The following TAF15 variants were observed in gnomAD, a reference collection of about 807,000 sequenced individuals.
TAF15 encodes the protein TATA-binding protein-associated factor 2N.
Under a neutral mutation model 102.5 loss-of-function variants are expected in TAF15, and 37 were observed. The ratio of observed to expected loss-of-function variants is 0.36; its 90% CI spans 0.28 to 0.47. The LOEUF is 0.47. Ranked by LOEUF, TAF15 falls within the 20% of genes least tolerant of loss-of-function variation. The pLI is 0.99. For synonymous variants in TAF15, 273 were observed against 259.2 expected (o/e 1.05, Z -0.51); for missense variants, 652 against 760.7 (o/e 0.86, Z 1.68).
At position 35,833,917 on chromosome 17, in the gene TAF15, C is replaced by T. The variant is rs980403927; in HGVS notation, c.616C>T (p.Arg206Cys). 3 of 1,613,740 alleles carry T rather than the reference C, an allele frequency of 1.9e-6. No individual in the cohort carries two copies. The highest frequency in any genetic ancestry group is 2.5e-6 in the Non-Finnish European group (3 of 1,179,924). ...GPMTGSSGGDRGGFKNFGGHR... is the reference protein window; with the variant it reads ...GPMTGSSGGDCGGFKNFGGHR... ...ATTTTTCCTCTGCAGTGGTGGTGAC[C>T]GCGGTGGCTTCAAAAATTTTGGTGG... Residue 206 changes from arginine to cysteine, a missense_variant, in exon 8 of 16, where the codon CGC becomes TGC. By Grantham distance (180) the Arg-to-Cys change is radical. Transcript: ENST00000605844.
intron 15 of TAF15, among the ~76,000 whole-genome samples, chr17:35,846,587 A>G (rs1045843503): frequency 2.0e-5 from 3 of 152,206 alleles, no homozygotes; most frequent in Non-Finnish European, 4.4e-5. Context: ...GTGCTTGCTC[A>G]TTCCACTATG....
At chr17:35,828,471 C>T (rs886713995) in intron 7 of TAF15, among the ~76,000 whole-genome samples, 11 of 152,168 alleles carry the variant, frequency 7.2e-5, no homozygotes, top group South Asian at 2.1e-4. Context: ...TGATGGCCTG[C>T]GCCTGTAATC....
chr17:35,836,941 T>C (rs1345555480), intron 10 of TAF15, among the ~76,000 whole-genome samples: 1 of 151,912 alleles, frequency 6.6e-6, no homozygotes, highest in Non-Finnish European at 1.5e-5. Context: ...GCCCAGCTAA[T>C]TTTTGTATTT....
intron 7 of TAF15, among the ~76,000 whole-genome samples, chr17:35,827,004 T>TC (rs570210673): frequency 5.1e-4 from 78 of 152,224 alleles, no homozygotes; most frequent in African/African-American, 1.8e-3. Context: ...GATTTTTTTT[T>TC]CCCACACAGT....
chr17:35,838,776 A>G (rs2087506051), intron 11 of TAF15, among the ~76,000 whole-genome samples: 1 of 152,196 alleles, frequency 6.6e-6, no homozygotes, highest in South Asian at 2.1e-4. Context: ...GGCTACCCTG[A>G]TACAGATGTA....
At chr17:35,813,644 C>T (rs986216132) in intron 1 of TAF15, among the ~76,000 whole-genome samples, 3 of 101,682 alleles carry the variant, frequency 3.0e-5, no homozygotes, top group Non-Finnish European at 6.4e-5. Context: ...CCCCCCCCCC[C>T]GCAAAAAAAG....
At chr17:35,814,816 G>C (rs1001535799) in intron 1 of TAF15, among the ~76,000 whole-genome samples, 13 of 151,398 alleles carry the variant, frequency 8.6e-5, no homozygotes, top group Non-Finnish European at 1.9e-4. Flanking sequence ...TCGTGTCACT[G>C]CACTCCATCC....
chr17:35,813,640 C>T lies in TAF15; in HGVS notation c.7+4064C>T, dbSNP rs944594345. Among the ~76,000 whole-genome samples, 51 of 147,312 alleles carry T rather than the reference C, an allele frequency of 3.5e-4. 2 individuals carry two copies. The highest frequency in any genetic ancestry group is 1.2e-3 in the African/African-American group (49 of 40,274). On this transcript the variant is annotated intron_variant, in intron 1 of 15. Transcript: ENST00000605844. ...AACAGAGCGAGACCCTGTCCCCCCC[C>T]CCCCGCAAAAAAAGATTAAGAAACA... is the stretch of plus-strand genomic sequence containing the variant.
chr17:35,837,325 A>T (rs78672421), intron 10 of TAF15, among the ~76,000 whole-genome samples: 14,257 of 143,978 alleles, frequency 0.099, 852 homozygotes, highest in East Asian at 0.22. Context: ...CTAGTTAAAA[A>T]TTTTTTTTTT....
In TAF15 at chr17:35,820,004, A is replaced by G. The variant is rs754559084; in HGVS notation, c.48-20A>G. 4.3e-6 allele frequency: 7 copies of G among 1,611,680 alleles called. No homozygotes were observed. Among genetic ancestry groups the G allele is most frequent in the Admixed American group, 1.7e-5 (1 of 59,936 alleles). ...AAATTTCTACACATTTCTTTCAAGT[A>G]TTAAATTTTTCTTTTGCAGTTATTC... On this transcript the variant is annotated intron_variant, in intron 2 of 15. Coordinates refer to ENST00000605844, the MANE Select transcript of TAF15 (RefSeq NM_139215.3).
intron 1 of TAF15, among the ~76,000 whole-genome samples, chr17:35,813,117 CA>C (rs55754009): frequency 0.011 from 634 of 58,908 alleles, 4 homozygotes; most frequent in African/African-American, 0.024. Context: ...GACTCTGTCT[CA>C]AAAAAAAAAA....
intron 10 of TAF15, among the ~76,000 whole-genome samples, chr17:35,837,173 A>G (rs2087485307): frequency 6.6e-6 from 1 of 151,928 alleles, no homozygotes; most frequent in Admixed American, 6.6e-5. Flanking sequence ...GTCTTGAGAC[A>G]GGGTCTTGCT....
Position 35,834,740 on chromosome 17 carries a change from C to CTTTTTTTTTTTTTTTTTTTTTTTTT in TAF15, c.673+164_673+165insTTTTTTTTTTTTTTTTTTTTTTTTT, listed in dbSNP as rs533058888. ...CTGCCAGAACTGGGGAGCTTTATTT[C>CTTTTTTTTTTTTTTTTTTTTTTTTT]TTTTTTTTTTTTTTTTTTTTTTGAG... is the stretch of plus-strand genomic sequence containing the variant. On this transcript the variant is annotated intron_variant, in intron 9 of 15. Transcript: ENST00000605844. The CTTTTTTTTTTTTTTTTTTTTTTTTT allele has an allele frequency of 2.3e-4, 54 of 236,402 alleles. 3 individuals are homozygous for CTTTTTTTTTTTTTTTTTTTTTTTTT. Among genetic ancestry groups the CTTTTTTTTTTTTTTTTTTTTTTTTT allele is most frequent in the African/African-American group, 1.1e-3 (21 of 19,370 alleles). 14.6% of individuals were successfully genotyped at this position (236,402 alleles called of 1,614,324 possible). A position where few individuals can be genotyped will look rare whatever the true frequency, so the allele number is the denominator to read the frequency against.
chr17:35,831,323 C>T (rs181491642), intron 7 of TAF15, among the ~76,000 whole-genome samples: 3,239 of 151,062 alleles, frequency 0.021, 67 homozygotes, highest in East Asian at 0.11. Flanking sequence ...AGGAGAATGG[C>T]GGGAACCCAG....
chr17:35,821,514 T>C (rs1354847429), intron 5 of TAF15, among the ~76,000 whole-genome samples: 1 of 152,198 alleles, frequency 6.6e-6, no homozygotes, highest in African/African-American at 2.4e-5. Context: ...TTAGGGAACA[T>C]ACTGATCTTT....
At chr17:35,846,197 A>G (rs1350796580) in intron 15 of TAF15, among the ~76,000 whole-genome samples, 1 of 152,230 alleles carries the variant, frequency 6.6e-6, no homozygotes, top group Non-Finnish European at 1.5e-5. Context: ...TCTGGGTTTC[A>G]ATCCTAACTC....
rs1368767436 is a variant in TAF15 at position 35,820,394 on chromosome 17, TATA to T, written c.252_254del (p.Asn85del). 6.2e-7 allele frequency: 1 copy of T among 1,613,964 alleles called. No homozygotes were observed. Among genetic ancestry groups the T allele is most frequent in the South Asian group, 1.1e-5 (1 of 91,078 alleles). Reference sequence around the variant, plus strand: ...GCAGAGCTCATATAGCCAGCAACCATATAATAACCAGGGACAGCAGCAAAACAT... The same window carrying T: ...GCAGAGCTCATATAGCCAGCAACCATATAACCAGGGACAGCAGCAAAACAT... On this transcript the variant is annotated inframe_deletion, in exon 5 of 16. Coordinates refer to ENST00000605844, the MANE Select transcript of TAF15 (RefSeq NM_139215.3).
In TAF15 at chr17:35,817,859, T is replaced by C. The variant is rs1374375549; in HGVS notation, c.47+104T>C. The C allele has an allele frequency of 5.0e-6, 5 of 999,664 alleles. No individual in the cohort carries two copies. The African/African-American group carries it at 6.4e-5, about 13-fold the overall frequency. 61.9% of individuals were successfully genotyped at this position (999,664 alleles called of 1,614,324 possible). A position where few individuals can be genotyped will look rare whatever the true frequency, so the allele number is the denominator to read the frequency against. On this transcript the variant is annotated intron_variant, in intron 2 of 15. Coordinates refer to ENST00000605844, the MANE Select transcript of TAF15 (RefSeq NM_139215.3). ...GATGCTGGATGTCATAAGTTAAATA[T>C]TAGCTTGTCACAGAGTGAAGAGAGT...
chr17:35,823,706 CAAA>C (rs57004932), intron 6 of TAF15: 7,185 of 158,946 alleles, frequency 0.045, 2 homozygotes, highest in South Asian at 0.097. Flanking sequence ...CTCTTGTCTC[CAAA>C]AAAAAAAAAA....
Sources: allele counts gnomAD v4.1 joint callset (sites outside exome capture counted in the v4.1 genomes callset), GRCh38; gene constraint gnomAD v4.1.1; transcripts MANE v1.5; gene names NCBI Gene and HGNC (gene_info 2026-07-23, HGNC 2026-07-21).